Variants in PIAS1 observed in about 807,000 individuals in gnomAD.
PIAS1 encodes the protein E3 SUMO-protein ligase PIAS1.
A neutral mutation model predicts 71.3 loss-of-function variants in PIAS1; 6 were observed. The ratio of observed to expected loss-of-function variants is 0.08; its 90% confidence interval spans 0.05 to 0.17. The LOEUF is 0.17. PIAS1 is among the 10% of genes least tolerant of loss of function. The pLI is 1.00. For synonymous variants in PIAS1, 303 were observed against 292.9 expected (o/e 1.03, Z -0.35); for missense variants, 555 against 793.6 (o/e 0.70, Z 3.61).
chr15:68,147,066 T>C (rs2092812573), intron 6 of PIAS1, among the ~76,000 whole-genome samples: 1 of 152,252 alleles, frequency 6.6e-6, no homozygotes, highest in Non-Finnish European at 1.5e-5. Context: ...AAAGAACATT[T>C]TGAAGACCAT....
chr15:68,110,759 A>C (rs2092517326), intron 2 of PIAS1, among the ~76,000 whole-genome samples: 1 of 152,132 alleles, frequency 6.6e-6, no homozygotes, highest in Non-Finnish European at 1.5e-5. Context: ...AAAGGTATTT[A>C]TTCTCAATAA....
intron 8 of PIAS1, among the ~76,000 whole-genome samples, chr15:68,166,877 G>A (rs1371980811): frequency 6.6e-6 from 1 of 152,068 alleles, no homozygotes; most frequent in African/African-American, 2.4e-5. Context: ...CCAGGTTGGA[G>A]TGCAGTGCTG....
In PIAS1 at chr15:68,187,686, A is replaced by G. The variant is rs765970681; in HGVS notation, c.1807A>G (p.Thr603Ala). The G allele has an allele frequency of 6.8e-6, 11 of 1,614,020 alleles. No individual in the cohort carries two copies. Among genetic ancestry groups the G allele is most frequent in the Middle Eastern group, 1.6e-4 (1 of 6,062 alleles). The part of the protein sequence containing the change: ...LSAGGSTSLP[T>A]TNGSSSGSNS... Reference sequence around the variant, plus strand: ...TGCAGGAGGCAGTACTTCTCTGCCAACCACCAATGGAAGCAGTAGTGGCAG... The same window carrying G: ...TGCAGGAGGCAGTACTTCTCTGCCAGCCACCAATGGAAGCAGTAGTGGCAG... The change falls in exon 14 of 14, where the codon ACC becomes GCC. Residue 603 changes from threonine (T) to alanine (A), a missense_variant. Coordinates refer to ENST00000249636, the MANE Select transcript of PIAS1 (RefSeq NM_016166.3). The surrounding 1 kb of genome is among the most constrained non-coding windows in gnomAD (Gnocchi z 5.3).
At chr15:68,155,472 A>AAAAAC (rs869077994) in intron 7 of PIAS1, among the ~76,000 whole-genome samples, 1 of 149,174 alleles carries the variant, frequency 6.7e-6, no homozygotes, top group East Asian at 2.0e-4. Context: ...AAAAAAAAAA[A>AAAAAC]CCAAAAACTT....
At chr15:68,163,956 G>A (rs1180681505) in intron 7 of PIAS1, among the ~76,000 whole-genome samples, 1 of 152,144 alleles carries the variant, frequency 6.6e-6, no homozygotes, top group Non-Finnish European at 1.5e-5. Context: ...TAACAGCTAA[G>A]GTTTCCAGAT....
At chr15:68,114,982 T>C (rs1413787643) in intron 2 of PIAS1, among the ~76,000 whole-genome samples, 1 of 152,078 alleles carries the variant, frequency 6.6e-6, no homozygotes, top group Non-Finnish European at 1.5e-5. Flanking sequence ...ACAAATCTTC[T>C]CTCATAATAG....
intron 6 of PIAS1, among the ~76,000 whole-genome samples, chr15:68,149,448 C>A (rs2092831286): frequency 6.7e-6 from 1 of 148,632 alleles, no homozygotes; most frequent in Non-Finnish European, 1.5e-5. Context: ...GATGAGATTT[C>A]TTTAAAGTTA....
intron 2 of PIAS1, among the ~76,000 whole-genome samples, chr15:68,134,422 C>T (rs1342969390): frequency 3.6e-5 from 2 of 55,080 alleles, no homozygotes; most frequent in South Asian, 9.6e-4. Context: ...GGCTCCTCAC[C>T]ACCCAGTAGG....
chr15:68,129,812 CA>C (rs2092677017), intron 2 of PIAS1, among the ~76,000 whole-genome samples: 1 of 148,524 alleles, frequency 6.7e-6, no homozygotes, highest in South Asian at 2.1e-4. Flanking sequence ...CACACACACA[CA>C]CACACACACA....
Position 68,059,807 on chromosome 15 carries a change from C to T in PIAS1, c.24+5457C>T, listed in dbSNP as rs866250071. Reference sequence around the variant, plus strand: ...TGTTGCCCAGGCTGGTCTCAAATTCCTGGCCTCAAACAGTGCTGCCTCGGT... The same window carrying T: ...TGTTGCCCAGGCTGGTCTCAAATTCTTGGCCTCAAACAGTGCTGCCTCGGT... On this transcript the variant is annotated intron_variant, in intron 1 of 13. Coordinates refer to ENST00000249636, the MANE Select transcript of PIAS1 (RefSeq NM_016166.3). 2.0e-5 allele frequency among the ~76,000 whole-genome samples: 3 copies of T among 151,904 alleles called. 1 individual carries two copies. The South Asian group carries it at 6.2e-4, about 32-fold the overall frequency.
rs79911358 is a variant in PIAS1, at chr15:68,187,403, G to T, written c.1663-139G>T. The T allele has an allele frequency of 8.2e-3, 5,863 of 717,142 alleles. 61 individuals are homozygous for T. The highest frequency in any genetic ancestry group is 0.036 in the East Asian group (1,341 of 37,054). The allele number at this position is 717,142 out of a possible 1,614,324, so 44.4% of individuals were successfully genotyped here. On this transcript the variant is annotated intron_variant, in intron 13 of 13. Coordinates refer to ENST00000249636, the MANE Select transcript of PIAS1 (RefSeq NM_016166.3). The surrounding 1 kb of genome is among the most constrained non-coding windows in gnomAD (Gnocchi z 5.3). The stretch of plus-strand genomic sequence containing the variant: ...TCCTTACATAAGGCCATTTGATTTT[G>T]CAAAATGTCTTAGTAAATATTTCAG...
intron 2 of PIAS1, among the ~76,000 whole-genome samples, chr15:68,089,127 C>A (rs1379895798): frequency 1.3e-5 from 2 of 152,116 alleles, no homozygotes; most frequent in South Asian, 2.1e-4. Context: ...CAAATGTAAA[C>A]TGAATGTTTT....
chr15:68,081,322 A>G (rs985627053), intron 1 of PIAS1, among the ~76,000 whole-genome samples: 4 of 152,172 alleles, frequency 2.6e-5, no homozygotes, highest in African/African-American at 9.7e-5. Flanking sequence ...TGATCAGACA[A>G]AAGGAAGCAA....
intron 2 of PIAS1, among the ~76,000 whole-genome samples, chr15:68,121,892 C>T (rs2092616393): frequency 6.6e-6 from 1 of 152,138 alleles, no homozygotes; most frequent in South Asian, 2.1e-4. Flanking sequence ...CTTTGGGAGG[C>T]CAAGGCGGGC....
intron 2 of PIAS1, among the ~76,000 whole-genome samples, chr15:68,125,988 T>C (rs530374784): frequency 6.6e-6 from 1 of 152,032 alleles, no homozygotes; most frequent in Admixed American, 6.5e-5. Flanking sequence ...CATGAGCCAC[T>C]GCGCCCCAGA....
chr15:68,121,254 TG>T (rs1162328742), intron 2 of PIAS1, among the ~76,000 whole-genome samples: 3 of 121,886 alleles, frequency 2.5e-5, no homozygotes, highest in Non-Finnish European at 5.4e-5. Flanking sequence ...ACAGTTGACA[TG>T]TTTTTTTGTT....
At chr15:68,079,233 T>C (rs2092202748) in intron 1 of PIAS1, among the ~76,000 whole-genome samples, 1 of 152,206 alleles carries the variant, frequency 6.6e-6, no homozygotes, top group Admixed American at 6.5e-5. Context: ...TGATTACGCA[T>C]GTTTCTGAAG....
intron 2 of PIAS1, among the ~76,000 whole-genome samples, chr15:68,124,859 C>G (rs2092639030): frequency 2.0e-5 from 3 of 152,138 alleles, no homozygotes; most frequent in Admixed American, 1.3e-4. Flanking sequence ...ATTTTGATCT[C>G]TTTTGGCTTT....
intron 2 of PIAS1, among the ~76,000 whole-genome samples, chr15:68,116,095 G>A (rs1189178836): frequency 2.0e-5 from 3 of 151,764 alleles, no homozygotes; most frequent in Admixed American, 6.6e-5. Context: ...CGAGGATGGG[G>A]AAGAGTTTGT....
Sources: gnomAD v4.1 joint callset for allele counts (sites outside exome capture counted in the v4.1 genomes callset) on GRCh38, gnomAD v4.1.1 for gene constraint, Gnocchi (gnomAD v3.1) non-coding constraint, MANE v1.5 for transcripts, NCBI Gene and HGNC (gene_info 2026-07-23, HGNC 2026-07-21) for gene names.